CPM: variants seen among roughly 807,000 people sequenced by gnomAD.
The protein encoded by CPM is carboxypeptidase M, also known as renal carboxypeptidase.
Under a neutral mutation model 46.4 loss-of-function variants are expected in CPM, and 35 were observed. The ratio of observed to expected loss-of-function variants is 0.75; its 90% CI spans 0.58 to 1.00. The LOEUF is 1.00. Among genes scored for constraint, CPM ranks in the 50% least tolerant of loss-of-function variants. The probability of loss-of-function intolerance (pLI) is 0.00; values close to 1 mark genes in which losing one functional copy is unlikely to be tolerated. For missense variants in CPM, 422 were observed against 530.4 expected (o/e 0.80, Z 2.01); for synonymous variants, 195 against 195.3 (o/e 1.00, Z 0.01).
chr12:68,903,821 C>A (rs1033592877), intron 2 of CPM, among the ~76,000 whole-genome samples: 2 of 151,958 alleles, frequency 1.3e-5, no homozygotes, highest in African/African-American at 4.8e-5. Flanking sequence ...TCCCTCTGTC[C>A]GTCCCGCCGT....
At chr12:68,926,783 A>G (rs1888281477) in intron 2 of CPM, among the ~76,000 whole-genome samples, 1 of 151,942 alleles carries the variant, frequency 6.6e-6, no homozygotes, top group African/African-American at 2.4e-5. Context: ...CTCATTGTTC[A>G]ATTCCCACCT....
intron 5 of CPM, chr12:68,842,540 A>G: frequency 2.8e-6 from 1 of 350,950 alleles, no homozygotes; most frequent in Non-Finnish European, 5.6e-6. Context: ...CAAAACAGAT[A>G]ATATGGATGT....
chr12:68,857,153 CTTTTCTT>C (rs956974400), intron 8 of CPM, among the ~76,000 whole-genome samples: 4 of 149,566 alleles, frequency 2.7e-5, no homozygotes, highest in South Asian at 2.1e-4. Context: ...TTCTTTCTTT[CTTTTCTT>C]TTTTCTTTTT....
Position 68,918,403 on chromosome 12 carries a change from G to A in CPM, c.160+14275C>T, listed in dbSNP as rs140344807. Among the ~76,000 whole-genome samples the A allele has an allele frequency of 4.3e-3, 649 of 152,078 alleles. 6 individuals carry two copies. The highest frequency in any genetic ancestry group is 0.031 in the South Asian group (150 of 4,818). ...TTGAGCTCCACTTATATACCCAACC[G>A]TCTCCACTGGATACCTCCTGAGGAG... On this transcript the variant is annotated intron_variant, in intron 2 of 8. Transcript: ENST00000551568.
chr12:68,883,300 G>T (rs543581073), intron 3 of CPM, among the ~76,000 whole-genome samples: 1 of 152,284 alleles, frequency 6.6e-6, no homozygotes, highest in South Asian at 2.1e-4. Flanking sequence ...AGGAAAAAGG[G>T]GGTTGTTATA....
At chr12:68,928,599 G>A (rs1477013641) in intron 2 of CPM, among the ~76,000 whole-genome samples, 1 of 152,196 alleles carries the variant, frequency 6.6e-6, no homozygotes, top group African/African-American at 2.4e-5. Context: ...TACATGGAAA[G>A]TACTTGATAA....
chr12:68,868,613 C>G (rs1300875919), intron 6 of CPM, among the ~76,000 whole-genome samples: 3 of 152,126 alleles, frequency 2.0e-5, no homozygotes, highest in African/African-American at 4.8e-5. Context: ...AAGAATATCT[C>G]TCCTTCCATG....
chr12:68,882,004 G>A (rs1338828121), intron 3 of CPM, among the ~76,000 whole-genome samples: 2 of 146,786 alleles, frequency 1.4e-5, no homozygotes, highest in African/African-American at 2.5e-5. Context: ...TTACAGGCGT[G>A]AGCCACCACG....
chr12:68,952,720 C>T (rs1227261826), intron 1 of CPM, among the ~76,000 whole-genome samples: 1 of 152,190 alleles, frequency 6.6e-6, no homozygotes, highest in Non-Finnish European at 1.5e-5. Flanking sequence ...TCATGCCTCC[C>T]ACAGGATCTC....
chr12:68,866,580 G>A (rs1004028581), intron 7 of CPM, among the ~76,000 whole-genome samples: 3 of 152,184 alleles, frequency 2.0e-5, no homozygotes, highest in South Asian at 2.1e-4. Context: ...CTGACCTCAG[G>A]TGATACACCT....
intron 1 of CPM, among the ~76,000 whole-genome samples, chr12:68,953,307 A>G (rs1367451116): frequency 6.6e-6 from 1 of 151,960 alleles, no homozygotes; most frequent in Admixed American, 6.6e-5. Flanking sequence ...GTGGTTAAAA[A>G]TCTTACAGCA....
At chr12:68,867,683 G>A (rs966926272) in intron 6 of CPM, among the ~76,000 whole-genome samples, 7 of 152,148 alleles carry the variant, frequency 4.6e-5, no homozygotes, top group Admixed American at 6.5e-5. Context: ...AGCACCTGTG[G>A]GCTTCCCCAA....
chr12:68,888,505 G>T (rs1434133472), intron 2 of CPM, among the ~76,000 whole-genome samples: 1 of 152,142 alleles, frequency 6.6e-6, no homozygotes, highest in Non-Finnish European at 1.5e-5. Flanking sequence ...GGTTTTAACT[G>T]CCCTCTCCAG....
chr12:68,941,170 C>CGCGTGT (rs1888753963), intron 1 of CPM, among the ~76,000 whole-genome samples: 1 of 140,506 alleles, frequency 7.1e-6, no homozygotes, highest in Non-Finnish European at 1.5e-5. Context: ...GTGCTGAGTA[C>CGCGTGT]GTGTGTGTGT....
chr12:68,881,407 T>C (rs1277059797), intron 3 of CPM, among the ~76,000 whole-genome samples: 7 of 152,142 alleles, frequency 4.6e-5, no homozygotes, highest in African/African-American at 1.4e-4. Flanking sequence ...ATCCAACATA[T>C]CCACTAAATG....
At chr12:68,899,886 T>G (rs997405264) in intron 2 of CPM, among the ~76,000 whole-genome samples, 1 of 152,228 alleles carries the variant, frequency 6.6e-6, no homozygotes, top group Non-Finnish European at 1.5e-5. Flanking sequence ...TGATGTGACA[T>G]GCCATTTATC....
Position 68,858,965 on chromosome 12 carries a change from TC to T in CPM, c.1046del (p.Gly349GlufsTer13). 1 of 1,557,680 alleles carries T rather than the reference TC, an allele frequency of 6.4e-7. No homozygotes were observed. Among genetic ancestry groups the T allele is most frequent in the South Asian group, 1.2e-5 (1 of 80,626 alleles). Reference protein sequence around the residue: ...HICPYRTNKYGEYYLLLLPGS... With the variant: ...HICPYRTNKYXEYYLLLLPGS... ...CAGGCAAGAGAAGGAGATAATACTC[TC>T]CATATTTGTTGGTTCTATAGGGGCA... On this transcript the variant is annotated frameshift_variant, in exon 8 of 9. Transcript: ENST00000551568. LOFTEE classifies it high-confidence loss of function.
intron 5 of CPM, chr12:68,843,014 G>GAA (rs1883924592): frequency 4.7e-6 from 1 of 213,722 alleles, no homozygotes; most frequent in Non-Finnish European, 9.4e-6. Flanking sequence ...ATTCCTGGTA[G>GAA]AACAAGCTTT....
intron 3 of CPM, among the ~76,000 whole-genome samples, chr12:68,873,032 G>A (rs1190530494): frequency 1.3e-5 from 2 of 152,104 alleles, no homozygotes; most frequent in Non-Finnish European, 2.9e-5. Context: ...CCTTATCATA[G>A]GAAGATCTGC....
Sources: allele counts gnomAD v4.1 joint callset (sites outside exome capture counted in the v4.1 genomes callset), GRCh38; gene constraint gnomAD v4.1.1; transcripts MANE v1.5; gene names NCBI Gene and HGNC (gene_info 2026-07-23, HGNC 2026-07-21).